The following CSMD2 variants were observed in gnomAD, a reference collection of about 807,000 sequenced individuals.
The protein encoded by CSMD2 is CUB and Sushi multiple domains 2.
CSMD2 carries 130 observed loss-of-function variants against 398.5 expected under a neutral mutation model. The ratio of observed to expected loss-of-function variants is 0.33; its 90% CI spans 0.28 to 0.38. The LOEUF (loss-of-function observed/expected upper bound fraction) is 0.38, where lower values mean the gene tolerates loss of function less well. Ranked by LOEUF, CSMD2 falls within the 10% of genes least tolerant of loss-of-function variation. The probability of loss-of-function intolerance (pLI) is 1.00; values close to 1 mark genes in which losing one functional copy is unlikely to be tolerated. For missense variants in CSMD2, 3,829 were observed against 4,764.9 expected, an observed-to-expected ratio of 0.80 and a Z score of 5.78; for synonymous variants, 1,828 against 1,908.5, an observed-to-expected ratio of 0.96 and a Z score of 1.10.
chr1:33,956,696 C>A (rs1645179807), intron 3 of CSMD2, among the ~76,000 whole-genome samples: 1 of 152,260 alleles, frequency 6.6e-6, no homozygotes, highest in Non-Finnish European at 1.5e-5. Context: ...TCCTCTTTGG[C>A]TCCTGTGCTA....
intron 37 of CSMD2, among the ~76,000 whole-genome samples, chr1:33,620,922 C>T (rs1416756301): frequency 1.3e-5 from 2 of 149,750 alleles, no homozygotes; most frequent in Non-Finnish European, 3.0e-5. Flanking sequence ...ATTTGTTTCA[C>T]AGACCCAGAT....
At chr1:33,549,617 T>C (rs537949148) in intron 56 of CSMD2, among the ~76,000 whole-genome samples, 2 of 152,274 alleles carry the variant, frequency 1.3e-5, no homozygotes, top group South Asian at 2.1e-4. Context: ...ACAGGAAAAG[T>C]CTGGGGACTG....
At chr1:33,927,475 C>G (rs1644166465) in intron 4 of CSMD2, among the ~76,000 whole-genome samples, 1 of 152,110 alleles carries the variant, frequency 6.6e-6, no homozygotes, top group Non-Finnish European at 1.5e-5. Context: ...CTGCATTTTC[C>G]CCTTTAATCT....
chr1:33,974,143 C>T (rs1335429993), intron 3 of CSMD2, among the ~76,000 whole-genome samples: 3 of 152,302 alleles, frequency 2.0e-5, no homozygotes, highest in African/African-American at 7.2e-5. Flanking sequence ...CTTACAGCCA[C>T]GAAAAATGTC....
chr1:33,580,870 C>A lies in CSMD2; in HGVS notation c.7270G>T (p.Ala2424Ser). The change falls in exon 48 of 71, where the codon GCC becomes TCC. Residue 2424 changes from alanine to serine, a missense_variant. Physicochemically the swap from Ala to Ser is moderately conservative, Grantham distance 99. This residue lies in a region of CSMD2 where 723 missense variants were observed against 758.6 expected (regional missense o/e 0.95). Transcript: ENST00000373381. ...GPSGQSPLLKALSGNYSAPLI... is the reference protein window; with the variant it reads ...GPSGQSPLLKSLSGNYSAPLI... The stretch of plus-strand genomic sequence containing the variant: ...GGAGCTGAGTAATTCCCACTGAGGG[C>A]TTTCAGCAGAGGACTCTGTCCTGAT... 1 of 1,614,146 alleles carries A rather than the reference C, an allele frequency of 6.2e-7. No homozygotes were observed. The highest frequency in any genetic ancestry group is 8.5e-7 in the Non-Finnish European group (1 of 1,180,010).
In CSMD2 at chr1:33,878,664, C is replaced by T. The variant is rs1055522031; in HGVS notation, c.921-31668G>A. Among the ~76,000 whole-genome samples the T allele has an allele frequency of 4.6e-5, 7 of 152,122 alleles. No individual in the cohort carries two copies. The East Asian group carries it at 9.6e-4, about 21-fold the overall frequency. ...GATGGCTGGCCAAACTCTCTGTGTC[C>T]GAAAGACACCCTTGGAAGGTCAGAG... is the stretch of plus-strand genomic sequence containing the variant. On this transcript the variant is annotated intron_variant, in intron 5 of 70. Transcript: ENST00000373381.
chr1:33,605,812 TG>T (rs1205333222), intron 41 of CSMD2: 8 of 1,474,218 alleles, frequency 5.4e-6, no homozygotes, highest in Non-Finnish European at 7.5e-6. Flanking sequence ...TGAGTGCCAC[TG>T]GGGGCCAGGC....
intron 27 of CSMD2, among the ~76,000 whole-genome samples, chr1:33,653,048 C>T (rs949629849): frequency 3.9e-5 from 6 of 152,198 alleles, no homozygotes; most frequent in Admixed American, 1.3e-4. Context: ...TGAGCCACCG[C>T]GCCCGGCCTA....
Position 33,974,282 on chromosome 1 carries a change from A to G in CSMD2, c.518-38328T>C, listed in dbSNP as rs1401092903. ...GCCTGAAGAACTGTCTGTTGGTCAC[A>G]TGGGCTCGCACAAATCTCACATGGT... On this transcript the variant is annotated intron_variant, in intron 3 of 70. Coordinates refer to ENST00000373381, the MANE Select transcript of CSMD2 (RefSeq NM_001281956.2). Among the ~76,000 whole-genome samples the G allele has an allele frequency of 1.8e-4, 28 of 152,194 alleles. 1 individual carries two copies. The highest frequency in any genetic ancestry group is 1.5e-5 in the Non-Finnish European group (1 of 68,034).
At chr1:33,659,686 G>A (rs914514799) in intron 26 of CSMD2, among the ~76,000 whole-genome samples, 4 of 152,292 alleles carry the variant, frequency 2.6e-5, no homozygotes, top group South Asian at 2.1e-4. Flanking sequence ...GGACATCAGC[G>A]GAAAAGTTTG....
intron 5 of CSMD2, among the ~76,000 whole-genome samples, chr1:33,856,330 T>C (rs975045915): frequency 6.6e-6 from 1 of 152,128 alleles, no homozygotes; most frequent in African/African-American, 2.4e-5. Flanking sequence ...CACTCTGTGG[T>C]ACCCAGACCA....
At chr1:33,573,669 A>C (rs1410680585) in intron 49 of CSMD2, among the ~76,000 whole-genome samples, 2 of 152,218 alleles carry the variant, frequency 1.3e-5, no homozygotes, top group Admixed American at 6.5e-5. Context: ...AACACGGATC[A>C]ATCCTCAATA....
At chr1:33,820,331 C>T (rs1455302997) in intron 8 of CSMD2, 138 bp downstream of exon 8, 4 of 697,284 alleles carry the variant, frequency 5.7e-6, no homozygotes, top group Non-Finnish European at 7.8e-6. Flanking sequence ...AAAGCCATAG[C>T]TCTTCTCCAG....
At chr1:33,930,911 C>A (rs1047790899) in intron 4 of CSMD2, among the ~76,000 whole-genome samples, 1 of 152,188 alleles carries the variant, frequency 6.6e-6, no homozygotes, top group Non-Finnish European at 1.5e-5. Flanking sequence ...GTTCCCTATT[C>A]CCCCACTCCT....
intron 3 of CSMD2, among the ~76,000 whole-genome samples, chr1:33,995,274 A>T (rs1448492526): frequency 6.6e-6 from 1 of 152,168 alleles, no homozygotes; most frequent in Non-Finnish European, 1.5e-5. Flanking sequence ...TCACAAAATG[A>T]CAAGTCCCAG....
chr1:33,580,346 T>C (rs970741106), intron 48 of CSMD2, among the ~76,000 whole-genome samples: 1 of 152,242 alleles, frequency 6.6e-6, no homozygotes, highest in African/African-American at 2.4e-5. Context: ...TTATAAGATA[T>C]GGCTTGCAGA....
rs1037696723 is a variant in CSMD2 at position 33,532,155 on chromosome 1, A to T, written c.10171+895T>A. Among the ~76,000 whole-genome samples, 3 of 152,204 alleles carry T rather than the reference A, an allele frequency of 2.0e-5. No individual in the cohort carries two copies. In the East Asian group the frequency reaches 5.8e-4, roughly 29 times the overall value. ...TGGCAGGATAGCAAAATAGTCATAG[A>T]TCCTAAAGTTAGACCATCAGGGTAT... On this transcript the variant is annotated intron_variant, in intron 64 of 70. Transcript: ENST00000373381.
At chr1:33,856,901 C>A (rs936632107) in intron 5 of CSMD2, among the ~76,000 whole-genome samples, 1 of 151,630 alleles carries the variant, frequency 6.6e-6, no homozygotes, top group African/African-American at 2.4e-5. Context: ...TCTCATAGTG[C>A]GATTGTGAGT....
rs1254549803 is a variant in CSMD2, at chr1:33,743,684, ATCT to A, written c.1847-81_1847-79del. The stretch of plus-strand genomic sequence containing the variant: ...ACCACTGAGGGCTGGCAGGGGGAAC[ATCT>A]TCTTAGTCTAAAAAGCAACAGAAAG... On this transcript the variant is annotated intron_variant, in intron 13 of 70. Coordinates refer to ENST00000373381, the MANE Select transcript of CSMD2 (RefSeq NM_001281956.2). The A allele has an allele frequency of 5.8e-6, 6 of 1,036,724 alleles. No individual in the cohort carries two copies. In the African/African-American group the frequency reaches 6.4e-5, roughly 11 times the overall value. 64.2% of individuals were successfully genotyped at this position (1,036,724 alleles called of 1,614,324 possible).
Sources: gnomAD v4.1 joint callset for allele counts (sites outside exome capture counted in the v4.1 genomes callset) on GRCh38, gnomAD v4.1.1 for gene constraint, gnomAD v4.1.1 regional missense constraint, MANE v1.5 for transcripts, NCBI Gene and HGNC (gene_info 2026-07-23, HGNC 2026-07-21) for gene names.